The following PTPRG variants were observed in gnomAD, a reference collection of about 807,000 sequenced individuals.
PTPRG encodes receptor-type tyrosine-protein phosphatase gamma.
A neutral mutation model predicts 165.3 loss-of-function variants in PTPRG; 102 were observed. The observed-to-expected ratio is 0.62, with a 90% confidence interval of 0.53 to 0.73. The LOEUF (loss-of-function observed/expected upper bound fraction) is 0.73, where lower values mean the gene tolerates loss of function less well. PTPRG is among the 30% of genes least tolerant of loss of function. The pLI is 0.00. For synonymous variants in PTPRG, 675 were observed against 669.5 expected, an observed-to-expected ratio of 1.01 and a Z score of -0.13; for missense variants, 1,866 against 1,861.4, an observed-to-expected ratio of 1.00 and a Z score of -0.05.
chr3:62,186,094 G>T (rs935900272), intron 8 of PTPRG, among the ~76,000 whole-genome samples: 1 of 152,210 alleles, frequency 6.6e-6, no homozygotes, highest in Non-Finnish European at 1.5e-5. Flanking sequence ...TCGCTTGCCT[G>T]AGTTATTTGA....
rs750697053 is a variant in PTPRG at position 61,746,208 on chromosome 3, A to ATTTTTTT, written c.86-2648_86-2642dup. Among the ~76,000 whole-genome samples, 47 of 81,322 alleles carry ATTTTTTT rather than the reference A, an allele frequency of 5.8e-4. 2 individuals carry two copies. Among genetic ancestry groups the ATTTTTTT allele is most frequent in the African/African-American group, 1.0e-3 (19 of 18,608 alleles). The allele number at this position is 81,322 out of a possible 152,430, so 53.4% of individuals were successfully genotyped here. On this transcript the variant is annotated intron_variant, in intron 1 of 29. Transcript: ENST00000474889. Reference sequence around the variant, plus strand: ...CAGGCGTGTGCCACCACACACTCTAATTTTTTTTTTTTTTTTTTTTTTTTT... The same window carrying ATTTTTTT: ...CAGGCGTGTGCCACCACACACTCTAATTTTTTTTTTTTTTTTTTTTTTTTTTTTTTTT...
intron 8 of PTPRG, among the ~76,000 whole-genome samples, chr3:62,181,913 A>G (rs1245196580): frequency 3.9e-5 from 6 of 152,216 alleles, no homozygotes; most frequent in Non-Finnish European, 7.3e-5. Context: ...GAGTGTCCAC[A>G]CAATCAAATA....
At position 61,865,220 on chromosome 3, in the gene PTPRG, A is replaced by G. The variant is rs554666911; in HGVS notation, c.190+116238A>G. ...ATACTGGGCTTATTAGAATGCTGTC[A>G]GTCACTCCTTGCTCTCAACTCTAGC... On this transcript the variant is annotated intron_variant, in intron 2 of 29. Coordinates refer to ENST00000474889, the MANE Select transcript of PTPRG (RefSeq NM_002841.4). Among the ~76,000 whole-genome samples, 18 of 152,246 alleles carry G rather than the reference A, an allele frequency of 1.2e-4. 2 individuals are homozygous for G. The South Asian group carries it at 3.5e-3, about 30-fold the overall frequency.
At chr3:62,169,876 T>G (rs1231083138) in intron 8 of PTPRG, among the ~76,000 whole-genome samples, 1 of 152,168 alleles carries the variant, frequency 6.6e-6, no homozygotes, top group African/African-American at 2.4e-5. Flanking sequence ...CATATGGACT[T>G]TGTAGGAACA....
intron 1 of PTPRG, among the ~76,000 whole-genome samples, chr3:61,716,997 C>G (rs1283318501): frequency 6.6e-6 from 1 of 151,992 alleles, no homozygotes; most frequent in African/African-American, 2.4e-5. Flanking sequence ...ATAAAAATTC[C>G]CAGGGACATA....
At chr3:62,004,056 G>A (rs1275049905) in intron 4 of PTPRG, among the ~76,000 whole-genome samples, 1 of 152,098 alleles carries the variant, frequency 6.6e-6, no homozygotes, top group Non-Finnish European at 1.5e-5. Context: ...ACAGAAGAAG[G>A]GTGTGGGTGC....
chr3:62,083,836 C>A (rs1207022415), intron 5 of PTPRG, among the ~76,000 whole-genome samples: 1 of 152,292 alleles, frequency 6.6e-6, no homozygotes, highest in African/African-American at 2.4e-5. Flanking sequence ...ACCATGCAAC[C>A]TTCTTAATGG....
At chr3:62,132,729 A>G in intron 6 of PTPRG, 61 bp downstream of exon 6, 1 of 1,414,966 alleles carries the variant, frequency 7.1e-7, no homozygotes, top group Non-Finnish European at 1.0e-6. Context: ...CTCTACCTAA[A>G]AGAATCAGGT....
chr3:62,234,139 C>T lies in PTPRG; in HGVS notation c.2375+2828C>T, dbSNP rs773081418. Among the ~76,000 whole-genome samples the T allele has an allele frequency of 1.2e-3, 179 of 152,144 alleles. 6 individuals are homozygous for T. The highest frequency in any genetic ancestry group is 3.4e-4 in the Non-Finnish European group (23 of 68,028). ...TGCCTTGCTGTTCTCACTTAACACA[C>T]GATTTCCCTATGCCTATATAATTTC... On this transcript the variant is annotated intron_variant, in intron 14 of 29. Transcript: ENST00000474889.
At chr3:61,866,559 C>T (rs1384870182) in intron 2 of PTPRG, among the ~76,000 whole-genome samples, 3 of 142,700 alleles carry the variant, frequency 2.1e-5, no homozygotes, top group African/African-American at 7.7e-5. Context: ...CACAGAGCTT[C>T]CCTGGCTTTG....
intron 2 of PTPRG, among the ~76,000 whole-genome samples, chr3:61,921,015 T>A (rs555563934): frequency 6.6e-6 from 1 of 152,304 alleles, no homozygotes; most frequent in East Asian, 1.9e-4. Flanking sequence ...ATAGTTACTT[T>A]GTGTCTCAGC....
At chr3:61,913,252 C>T (rs1159673278) in intron 2 of PTPRG, among the ~76,000 whole-genome samples, 1 of 152,184 alleles carries the variant, frequency 6.6e-6, no homozygotes, top group African/African-American at 2.4e-5. Context: ...CGGAGTCTCG[C>T]TCTATCACCC....
chr3:62,124,218 C>T, intron 5 of PTPRG: 2 of 1,022,384 alleles, frequency 2.0e-6, no homozygotes, highest in Admixed American at 1.7e-5. Flanking sequence ...CCACACAGTG[C>T]TTTCCTGTCA....
At position 61,585,779 on chromosome 3, in the gene PTPRG, T is replaced by C. The variant is rs189166480; in HGVS notation, c.85+23407T>C. On this transcript the variant is annotated intron_variant, in intron 1 of 29. Transcript: ENST00000474889. Reference sequence around the variant, plus strand: ...AACAATATTAGGACAATATTGCAAATATTAAAACATCTTTTATTCAGCATG... The same window carrying C: ...AACAATATTAGGACAATATTGCAAACATTAAAACATCTTTTATTCAGCATG... Among the ~76,000 whole-genome samples, 349 of 152,268 alleles carry C rather than the reference T, an allele frequency of 2.3e-3. 4 individuals are homozygous for C. The highest frequency in any genetic ancestry group is 5.3e-3 in the African/African-American group (219 of 41,562).
chr3:61,746,151 T>A (rs1331068713), intron 1 of PTPRG, among the ~76,000 whole-genome samples: 5 of 148,574 alleles, frequency 3.4e-5, no homozygotes, highest in Non-Finnish European at 5.9e-5. Context: ...CACGCTATCG[T>A]CCCACCTCAG....
In PTPRG at chr3:62,277,067, T is replaced by A; in HGVS notation, c.3636+19T>A. The A allele has an allele frequency of 6.3e-7, 1 of 1,597,090 alleles. No homozygotes were observed. Among genetic ancestry groups the A allele is most frequent in the Non-Finnish European group, 8.6e-7 (1 of 1,166,024 alleles). ...TATCATGGTGAGAGTCAACAGTTAA[T>A]TATAAATAAAGTCAACTAAACTGAA... On this transcript the variant is annotated intron_variant, in intron 25 of 29. Coordinates refer to ENST00000474889, the MANE Select transcript of PTPRG (RefSeq NM_002841.4).
intron 5 of PTPRG, among the ~76,000 whole-genome samples, chr3:62,085,911 A>G (rs1229629395): frequency 6.6e-6 from 1 of 152,206 alleles, no homozygotes; most frequent in Non-Finnish European, 1.5e-5. Context: ...AAGTTTTCAG[A>G]AGGGCCTTAA....
At chr3:61,603,535 A>G (rs1700921834) in intron 1 of PTPRG, among the ~76,000 whole-genome samples, 1 of 152,194 alleles carries the variant, frequency 6.6e-6, no homozygotes, top group Admixed American at 6.5e-5. Flanking sequence ...AGTCTCAGGT[A>G]TTTCTTTATA....
chr3:61,668,693 C>A (rs939219878), intron 1 of PTPRG, among the ~76,000 whole-genome samples: 1 of 152,042 alleles, frequency 6.6e-6, no homozygotes, highest in Non-Finnish European at 1.5e-5. Flanking sequence ...AAAAAGGTTA[C>A]TTTGTGAACA....
Sources: gnomAD v4.1 joint callset for allele counts (sites outside exome capture counted in the v4.1 genomes callset) on GRCh38, gnomAD v4.1.1 for gene constraint, MANE v1.5 for transcripts, NCBI Gene and HGNC (gene_info 2026-07-23, HGNC 2026-07-21) for gene names.